ADARB1: variants seen among roughly 807,000 people sequenced by gnomAD.
ADARB1 encodes adenosine deaminase RNA specific B1.
ADARB1 carries 10 observed loss-of-function variants against 52.4 expected under a neutral mutation model. The observed-to-expected ratio is 0.19, with a 90% confidence interval of 0.12 to 0.32. The LOEUF is 0.32. Ranked by LOEUF, ADARB1 falls within the 10% of genes least tolerant of loss-of-function variation. ADARB1 has a pLI of 1.00. For missense variants in ADARB1, 643 were observed against 922.3 expected (o/e 0.70, Z 3.92); for synonymous variants, 349 against 371.1 (o/e 0.94, Z 0.68).
intron 1 of ADARB1, among the ~76,000 whole-genome samples, chr21:45,098,713 G>A (rs1039114833): frequency 6.6e-6 from 1 of 152,228 alleles, no homozygotes; most frequent in Non-Finnish European, 1.5e-5. Flanking sequence ...GGGGGATGGC[G>A]AGTGCTAGGC....
At chr21:45,078,807 T>C (rs2086044622) in intron 1 of ADARB1, among the ~76,000 whole-genome samples, 1 of 152,250 alleles carries the variant, frequency 6.6e-6, no homozygotes, top group Admixed American at 6.5e-5. Flanking sequence ...AAAGTACCAC[T>C]CTGGCTGTTG....
intron 2 of ADARB1, among the ~76,000 whole-genome samples, chr21:45,164,763 G>A (rs1362137379): frequency 6.6e-6 from 1 of 152,144 alleles, no homozygotes; most frequent in Non-Finnish European, 1.5e-5. Context: ...CGAGGAGAGG[G>A]GCTCTCAGGG....
intron 8 of ADARB1, among the ~76,000 whole-genome samples, chr21:45,185,924 T>C (rs7281416): frequency 0.69 from 104,364 of 152,142 alleles, 36,321 homozygotes; most frequent in African/African-American, 0.81. Context: ...TCATTGTTTG[T>C]GTGCCCTTTA....
intron 9 of ADARB1, among the ~76,000 whole-genome samples, chr21:45,211,498 G>T (rs1421571665): frequency 6.6e-6 from 1 of 152,234 alleles, no homozygotes; most frequent in African/African-American, 2.4e-5. Context: ...TCTATAACAT[G>T]AACCCATAAT....
In ADARB1 at chr21:45,202,195, AG is replaced by A. The variant is rs540610783; in HGVS notation, c.1566-2354del. 6.6e-5 allele frequency among the ~76,000 whole-genome samples: 10 copies of A among 152,268 alleles called. No homozygotes were observed. In the South Asian group the frequency reaches 1.2e-3, roughly 19 times the overall value. On this transcript the variant is annotated intron_variant, in intron 8 of 10. Coordinates refer to ENST00000348831, the MANE Select transcript of ADARB1 (RefSeq NM_001112.4). Reference sequence around the variant, plus strand: ...TAGGAGAGGGCGTCATGACACAGGCAGGGGGGCATGACTTGACCCATGGCGT... The same window carrying A: ...TAGGAGAGGGCGTCATGACACAGGCAGGGGGCATGACTTGACCCATGGCGT...
At chr21:45,094,970 C>A (rs1342031227) in intron 1 of ADARB1, among the ~76,000 whole-genome samples, 1 of 152,196 alleles carries the variant, frequency 6.6e-6, no homozygotes, top group South Asian at 2.1e-4. Context: ...TGCTGGGCAC[C>A]TTCTCCACTA....
chr21:45,155,958 GCCATCCACC>G (rs2090560821), intron 2 of ADARB1, among the ~76,000 whole-genome samples: 4 of 2,010 alleles, frequency 2.0e-3, no homozygotes, highest in Non-Finnish European at 3.0e-3. Flanking sequence ...CCATCATCCA[GCCATCCACC>G]CACCCACCCA....
At chr21:45,154,393 T>C (rs2090453064) in intron 2 of ADARB1, among the ~76,000 whole-genome samples, 1 of 152,238 alleles carries the variant, frequency 6.6e-6, no homozygotes, top group African/African-American at 2.4e-5. Flanking sequence ...ATTATCGATA[T>C]TATTAAGATT....
rs1023118764 is a variant in ADARB1, at chr21:45,142,326, A to G, written c.-48+13753A>G. Reference sequence around the variant, plus strand: ...TAAGTTGCATGGTAAAGTCACCTTTAAAGCCAATGGAAAAAGCTTAATTGA... The same window carrying G: ...TAAGTTGCATGGTAAAGTCACCTTTGAAGCCAATGGAAAAAGCTTAATTGA... On this transcript the variant is annotated intron_variant, in intron 2 of 10. Coordinates refer to ENST00000348831, the MANE Select transcript of ADARB1 (RefSeq NM_001112.4). The surrounding 1 kb of genome is among the most constrained non-coding windows in gnomAD (Gnocchi z 4.0). 1.3e-5 allele frequency among the ~76,000 whole-genome samples: 2 copies of G among 152,256 alleles called. No individual in the cohort carries two copies. Among genetic ancestry groups the G allele is most frequent in the Admixed American group, 1.3e-4 (2 of 15,280 alleles).
At chr21:45,190,635 C>G (rs1038055249) in intron 8 of ADARB1, among the ~76,000 whole-genome samples, 2 of 152,080 alleles carry the variant, frequency 1.3e-5, no homozygotes, top group African/African-American at 4.8e-5. Flanking sequence ...GCTAAAAAAT[C>G]TAGGACCTCT....
At chr21:45,102,111 T>G (rs1314343217) in intron 1 of ADARB1, among the ~76,000 whole-genome samples, 1 of 152,154 alleles carries the variant, frequency 6.6e-6, no homozygotes, top group Non-Finnish European at 1.5e-5. Context: ...AGGCTAGACT[T>G]GAACTCCTGG....
chr21:45,108,981 A>G (rs761339893), intron 1 of ADARB1, among the ~76,000 whole-genome samples: 2 of 152,176 alleles, frequency 1.3e-5, no homozygotes, highest in Non-Finnish European at 2.9e-5. Flanking sequence ...TGGCATTGCT[A>G]GGACTCTACT....
chr21:45,124,081 C>T (rs559253885), intron 1 of ADARB1, among the ~76,000 whole-genome samples: 2 of 152,322 alleles, frequency 1.3e-5, no homozygotes, highest in Non-Finnish European at 2.9e-5. Context: ...AATCGATTTT[C>T]ATACATTAAA....
chr21:45,141,407 A>G (rs190175003), intron 2 of ADARB1, among the ~76,000 whole-genome samples: 149 of 152,352 alleles, frequency 9.8e-4, no homozygotes, highest in African/African-American at 3.6e-3. Flanking sequence ...CCAGTTATAG[A>G]AAGCATTATT....
At chr21:45,139,889 T>C (rs2089616920) in intron 2 of ADARB1, among the ~76,000 whole-genome samples, 2 of 152,086 alleles carry the variant, frequency 1.3e-5, no homozygotes, top group Admixed American at 1.3e-4. Flanking sequence ...CTTGATTTTT[T>C]TAAAATTGGA....
chr21:45,161,984 G>A (rs1462551059), intron 2 of ADARB1, among the ~76,000 whole-genome samples: 2 of 152,138 alleles, frequency 1.3e-5, no homozygotes, highest in Non-Finnish European at 2.9e-5. Context: ...ACTTGTCCAC[G>A]CACCTCATTC....
intron 2 of ADARB1, among the ~76,000 whole-genome samples, chr21:45,160,871 G>A (rs1266967027): frequency 3.9e-5 from 6 of 152,174 alleles, no homozygotes; most frequent in Non-Finnish European, 8.8e-5. Flanking sequence ...TTACATAGAA[G>A]GTGTGCACCT....
rs553580015 is a variant in ADARB1 at position 45,113,593 on chromosome 21, A to G, written c.-219-14809A>G. Among the ~76,000 whole-genome samples the G allele has an allele frequency of 4.8e-4, 72 of 150,818 alleles. 1 individual carries two copies. The highest frequency in any genetic ancestry group is 1.7e-3 in the African/African-American group (71 of 40,930). ...GAACTCTCTCCTTGTCTGTTTTTTA[A>G]AGCATCCTGAAAGGGAGTGTCTGTA... On this transcript the variant is annotated intron_variant, in intron 1 of 10. Transcript: ENST00000348831.
chr21:45,226,128 T>A lies in ADARB1; in HGVS notation c.*3931T>A, dbSNP rs2093055558. 6.6e-6 allele frequency: 1 copy of A among 152,342 alleles called. No individual in the cohort carries two copies. The highest frequency in any genetic ancestry group is 1.5e-5 in the Non-Finnish European group (1 of 68,084). The allele number at this position is 152,342 out of a possible 1,614,324, so 9.4% of individuals were successfully genotyped here. On this transcript the variant is annotated 3_prime_UTR_variant, in exon 11 of 11. Transcript: ENST00000348831. ...AAAATCCTCCTGTCTCTGGCAGCAC[T>A]GTCTGCACTTTCTTGTTTACTGTTT...
Sources: gnomAD v4.1 joint callset for allele counts (sites outside exome capture counted in the v4.1 genomes callset) on GRCh38, gnomAD v4.1.1 for gene constraint, Gnocchi (gnomAD v3.1) non-coding constraint, MANE v1.5 for transcripts, NCBI Gene and HGNC (gene_info 2026-07-23, HGNC 2026-07-21) for gene names.